Variants in RPTOR observed in about 807,000 individuals in gnomAD.
The protein encoded by RPTOR is regulatory associated protein of MTOR complex 1, also known as regulatory-associated protein of mTOR.
Under a neutral mutation model 169.9 loss-of-function variants are expected in RPTOR, and 21 were observed. That is an observed-to-expected ratio of 0.12 (90% CI 0.09 to 0.18). RPTOR has a LOEUF of 0.18. Ranked by LOEUF, RPTOR falls within the 10% of genes least tolerant of loss-of-function variation. RPTOR has a pLI of 1.00. For synonymous variants in RPTOR, 732 were observed against 753.2 expected, an observed-to-expected ratio of 0.97 and a Z score of 0.46; for missense variants, 1,133 against 1,855.9, an observed-to-expected ratio of 0.61 and a Z score of 7.16.
At chr17:80,935,700 T>C (rs2144024473) in intron 24 of RPTOR, among the ~76,000 whole-genome samples, 1 of 152,240 alleles carries the variant, frequency 6.6e-6, no homozygotes, top group African/African-American at 2.4e-5. Context: ...CTTCACACCT[T>C]ATACAACAAT....
chr17:80,871,721 T>G (rs1473223531), intron 13 of RPTOR, among the ~76,000 whole-genome samples: 1 of 152,254 alleles, frequency 6.6e-6, no homozygotes, highest in Admixed American at 6.5e-5. Context: ...CTCTTGTTAT[T>G]TATATAGGCT....
Position 80,964,433 on chromosome 17 carries a change from A to AC in RPTOR, c.*104dup, listed in dbSNP as rs2069398597. ...CGGCTGCTGCGGCCCCGCAGTGTGAACGTTGGCTGCTGCCTTAGCTGCTGA... is the reference window on the plus strand; with the variant it reads ...CGGCTGCTGCGGCCCCGCAGTGTGAACCGTTGGCTGCTGCCTTAGCTGCTGA... On this transcript the variant is annotated 3_prime_UTR_variant, in exon 34 of 34. Transcript: ENST00000306801. 8.6e-7 allele frequency: 1 copy of AC among 1,162,036 alleles called. No homozygotes were observed. Among genetic ancestry groups the AC allele is most frequent in the African/African-American group, 1.5e-5 (1 of 66,362 alleles). The allele number at this position is 1,162,036 out of a possible 1,614,324, so 72.0% of individuals were successfully genotyped here. A position where few individuals can be genotyped will look rare whatever the true frequency, so the allele number is the denominator to read the frequency against.
intron 3 of RPTOR, among the ~76,000 whole-genome samples, chr17:80,673,973 T>C (rs1457964168): frequency 6.6e-6 from 1 of 152,264 alleles, no homozygotes; most frequent in Admixed American, 6.5e-5. Flanking sequence ...GGTCTGCCAC[T>C]GAGAGTGTCA....
In RPTOR at chr17:80,754,311, G is replaced by A. The variant is rs761440254; in HGVS notation, c.830+126G>A. On this transcript the variant is annotated intron_variant, in intron 6 of 33. Coordinates refer to ENST00000306801, the MANE Select transcript of RPTOR (RefSeq NM_020761.3). The surrounding 1 kb of genome is among the most constrained non-coding windows in gnomAD (Gnocchi z 4.2). Reference sequence around the variant, plus strand: ...CCACGTGACAGACATGAGTGTCCCCGCCTTCTTTTTGTGTCATTCGGGATT... The same window carrying A: ...CCACGTGACAGACATGAGTGTCCCCACCTTCTTTTTGTGTCATTCGGGATT... 6 of 940,448 alleles carry A rather than the reference G, an allele frequency of 6.4e-6. No homozygotes were observed. Among genetic ancestry groups the A allele is most frequent in the South Asian group, 5.2e-5 (3 of 57,842 alleles). 58.3% of individuals were successfully genotyped at this position (940,448 alleles called of 1,614,324 possible). A position where few individuals can be genotyped will look rare whatever the true frequency, so the allele number is the denominator to read the frequency against.
At chr17:80,805,811 ATTG>A (rs1236131078) in intron 7 of RPTOR, among the ~76,000 whole-genome samples, 6 of 152,158 alleles carry the variant, frequency 3.9e-5, no homozygotes, top group East Asian at 1.9e-4. Flanking sequence ...ATTCCTGTCC[ATTG>A]TTGTTGTTGA....
Position 80,923,601 on chromosome 17 carries a change from T to C in RPTOR, c.2736T>C (p.Ala912=). The change falls in exon 23 of 34, where the codon GCT becomes GCC. Residue 912 remains alanine, a synonymous_variant. Transcript: ENST00000306801. The stretch of plus-strand genomic sequence containing the variant: ...GCCGGCCGGGCACCACAGGCCCCGC[T>C]GGGGCGCAGTACACCCCTCACTCCC... The part of the protein sequence containing the change: ...PSGRPGTTGP[A]GAQYTPHSHQ... 6.2e-7 allele frequency: 1 copy of C among 1,613,214 alleles called. No individual in the cohort carries two copies. Among genetic ancestry groups the C allele is most frequent in the Non-Finnish European group, 8.5e-7 (1 of 1,179,894 alleles).
chr17:80,774,226 C>T (rs898773375), intron 6 of RPTOR: 5 of 985,390 alleles, frequency 5.1e-6, no homozygotes, highest in Non-Finnish European at 4.8e-6. Context: ...TCTCGGTTCT[C>T]GACAGCGCCC....
chr17:80,642,347 C>G (rs1391154656), intron 2 of RPTOR, among the ~76,000 whole-genome samples: 1 of 151,942 alleles, frequency 6.6e-6, no homozygotes, highest in Non-Finnish European at 1.5e-5. Flanking sequence ...GTCTCAAACT[C>G]CTGACCCCAG....
chr17:80,592,902 G>A (rs1328060212), intron 1 of RPTOR, among the ~76,000 whole-genome samples: 1 of 152,164 alleles, frequency 6.6e-6, no homozygotes, highest in African/African-American at 2.4e-5. Flanking sequence ...CGCAATGGCG[G>A]GCAGTGCTGT....
chr17:80,962,189 G>A (rs1190843330), intron 31 of RPTOR, among the ~76,000 whole-genome samples: 2 of 152,220 alleles, frequency 1.3e-5, no homozygotes, highest in East Asian at 3.8e-4. Flanking sequence ...CTGTGCTCAT[G>A]GTCATTTCTC....
chr17:80,767,589 G>C (rs143553221), intron 6 of RPTOR, among the ~76,000 whole-genome samples: 1 of 152,074 alleles, frequency 6.6e-6, no homozygotes, highest in Non-Finnish European at 1.5e-5. Flanking sequence ...AGACAACCCC[G>C]CACCCAGATA....
chr17:80,837,274 C>CA (rs1271576053), intron 9 of RPTOR, among the ~76,000 whole-genome samples: 1 of 152,040 alleles, frequency 6.6e-6, no homozygotes, highest in Non-Finnish European at 1.5e-5. Flanking sequence ...CCCCAGACTG[C>CA]AGGGTGCCTG....
chr17:80,825,686 C>G (rs550103890), intron 9 of RPTOR, among the ~76,000 whole-genome samples: 1 of 152,234 alleles, frequency 6.6e-6, no homozygotes, highest in Admixed American at 6.5e-5. Flanking sequence ...CACAAGGGTG[C>G]CTCGCAGCCC....
At chr17:80,799,794 C>T (rs974653068) in intron 7 of RPTOR, among the ~76,000 whole-genome samples, 3 of 152,172 alleles carry the variant, frequency 2.0e-5, no homozygotes, top group African/African-American at 7.2e-5. Flanking sequence ...CGGCGACCCT[C>T]GTTGGGAGCG....
At chr17:80,631,017 A>C (rs1390683027) in intron 2 of RPTOR, among the ~76,000 whole-genome samples, 1 of 152,128 alleles carries the variant, frequency 6.6e-6, no homozygotes, top group African/African-American at 2.4e-5. Context: ...CAGTGATGGC[A>C]AACGTCTGCC....
intron 4 of RPTOR, among the ~76,000 whole-genome samples, chr17:80,716,433 ATTTG>A (rs2143137009): frequency 6.7e-6 from 1 of 150,326 alleles, no homozygotes; most frequent in Non-Finnish European, 1.5e-5. Flanking sequence ...TTTCTTGCTG[ATTTG>A]TTTGAGTTTG....
chr17:80,875,793 G>GT (rs1365693451), intron 13 of RPTOR, among the ~76,000 whole-genome samples: 1 of 146,982 alleles, frequency 6.8e-6, no homozygotes, highest in African/African-American at 2.5e-5. Flanking sequence ...CGCAGGGTGT[G>GT]TGTGTCGCCT....
chr17:80,599,766 G>A (rs915511073), intron 1 of RPTOR, among the ~76,000 whole-genome samples: 4 of 152,194 alleles, frequency 2.6e-5, no homozygotes, highest in African/African-American at 7.2e-5. Flanking sequence ...AGGAGGGAAC[G>A]TGTCATTGCA....
intron 28 of RPTOR, among the ~76,000 whole-genome samples, chr17:80,949,945 G>A (rs768856565): frequency 2.0e-5 from 3 of 152,266 alleles, no homozygotes; most frequent in Non-Finnish European, 4.4e-5. Context: ...GGGGGTCGGG[G>A]TGCACATGGC....
Sources: gnomAD v4.1 joint callset for allele counts (sites outside exome capture counted in the v4.1 genomes callset) on GRCh38, gnomAD v4.1.1 for gene constraint, Gnocchi (gnomAD v3.1) non-coding constraint, MANE v1.5 for transcripts, NCBI Gene and HGNC (gene_info 2026-07-23, HGNC 2026-07-21) for gene names.